The following CNTN5 variants were observed in gnomAD, a reference collection of about 807,000 sequenced individuals.
CNTN5 encodes the protein contactin 5.
Under a neutral mutation model 129.1 loss-of-function variants are expected in CNTN5, and 77 were observed. That is an observed-to-expected ratio of 0.60 (90% CI 0.50 to 0.72). The LOEUF (loss-of-function observed/expected upper bound fraction) is 0.72, where lower values mean the gene tolerates loss of function less well. Ranked by LOEUF, CNTN5 falls within the 30% of genes least tolerant of loss-of-function variation. The pLI, the probability that CNTN5 is intolerant of heterozygous loss-of-function variation, is 0.00. For synonymous variants in CNTN5, 509 were observed against 465.6 expected (o/e 1.09, Z -1.20); for missense variants, 1,478 against 1,328.8 (o/e 1.11, Z -1.75).
chr11:99,667,293 G>A (rs1952831537), intron 3 of CNTN5, among the ~76,000 whole-genome samples: 2 of 87,052 alleles, frequency 2.3e-5, no homozygotes, highest in Admixed American at 1.6e-4. Flanking sequence ...TCATTCTAAA[G>A]CAATTAATAA....
At chr11:99,124,565 A>G (rs1858523000) in intron 1 of CNTN5, among the ~76,000 whole-genome samples, 2 of 152,034 alleles carry the variant, frequency 1.3e-5, no homozygotes, top group Non-Finnish European at 2.9e-5. Context: ...TAATAGAGAA[A>G]TAAGGGCAAA....
intron 2 of CNTN5, among the ~76,000 whole-genome samples, chr11:99,469,321 T>C (rs1382780031): frequency 6.6e-6 from 1 of 152,184 alleles, no homozygotes; most frequent in African/African-American, 2.4e-5. Flanking sequence ...CCATTCATGG[T>C]ATAAACTATT....
chr11:99,529,571 A>C (rs554076863), intron 2 of CNTN5, among the ~76,000 whole-genome samples: 1 of 152,214 alleles, frequency 6.6e-6, no homozygotes, highest in Non-Finnish European at 1.5e-5. Context: ...GGGTTAAGGC[A>C]TTTGGGATTG....
At chr11:99,904,020 G>T (rs1949427881) in intron 6 of CNTN5, among the ~76,000 whole-genome samples, 1 of 152,140 alleles carries the variant, frequency 6.6e-6, no homozygotes, top group Non-Finnish European at 1.5e-5. Context: ...ACAGATGCTG[G>T]TGAGGATGTA....
chr11:99,967,877 A>G (rs1951136988), intron 8 of CNTN5, among the ~76,000 whole-genome samples: 1 of 151,846 alleles, frequency 6.6e-6, no homozygotes, highest in Non-Finnish European at 1.5e-5. Flanking sequence ...ATTACTTTCT[A>G]AAAACTTATT....
intron 2 of CNTN5, among the ~76,000 whole-genome samples, chr11:99,398,647 T>C (rs974571502): frequency 1.3e-5 from 2 of 151,962 alleles, no homozygotes; most frequent in East Asian, 3.8e-4. Context: ...ATATAATACA[T>C]CTTAGAGATT....
chr11:99,624,156 T>C (rs1951050201), intron 3 of CNTN5, among the ~76,000 whole-genome samples: 1 of 152,068 alleles, frequency 6.6e-6, no homozygotes, highest in African/African-American at 2.4e-5. Flanking sequence ...TTGTACTGTG[T>C]CCTTAGGAAT....
intron 3 of CNTN5, among the ~76,000 whole-genome samples, chr11:99,586,088 T>A (rs1025752638): frequency 1.3e-5 from 2 of 152,264 alleles, no homozygotes; most frequent in African/African-American, 4.8e-5. Context: ...TTTAATTAAA[T>A]CCCGTTCCAA....
chr11:99,456,490 G>A (rs942696281), intron 2 of CNTN5, among the ~76,000 whole-genome samples: 1 of 152,102 alleles, frequency 6.6e-6, no homozygotes, highest in Non-Finnish European at 1.5e-5. Context: ...CTTATGTGCA[G>A]TGTTATCTAA....
intron 8 of CNTN5, among the ~76,000 whole-genome samples, chr11:99,979,979 T>C (rs898733180): frequency 2.0e-5 from 3 of 152,192 alleles, no homozygotes; most frequent in Admixed American, 2.0e-4. Flanking sequence ...AGAGTTGTTA[T>C]AGCTAAAGGA....
At position 99,841,826 on chromosome 11, in the gene CNTN5, A is replaced by G. The variant is rs538759721; in HGVS notation, c.278-3026A>G. 1.1e-4 allele frequency among the ~76,000 whole-genome samples: 16 copies of G among 141,566 alleles called. No individual in the cohort carries two copies. The East Asian group carries it at 1.8e-3, about 16-fold the overall frequency. 92.9% of individuals were successfully genotyped at this position (141,566 alleles called of 152,430 possible). ...GTGGTGTGTGTGTATATATGTGTGT[A>G]TATATATATACACACACACACACAC... is the stretch of plus-strand genomic sequence containing the variant. On this transcript the variant is annotated intron_variant, in intron 4 of 24. Coordinates refer to ENST00000524871, the MANE Select transcript of CNTN5 (RefSeq NM_014361.4).
chr11:99,654,355 T>A (rs1952270441), intron 3 of CNTN5, among the ~76,000 whole-genome samples: 1 of 152,076 alleles, frequency 6.6e-6, no homozygotes, highest in African/African-American at 2.4e-5. Flanking sequence ...AAGGGGTGTA[T>A]CAGCTTCTTA....
chr11:99,912,472 C>T (rs1324414306), intron 6 of CNTN5, among the ~76,000 whole-genome samples: 2 of 151,946 alleles, frequency 1.3e-5, no homozygotes, highest in East Asian at 3.9e-4. Context: ...TTCTGCATAA[C>T]CAGTACCTAA....
chr11:99,094,654 T>C (rs1866394833), intron 1 of CNTN5, among the ~76,000 whole-genome samples: 1 of 151,968 alleles, frequency 6.6e-6, no homozygotes, highest in Non-Finnish European at 1.5e-5. Flanking sequence ...GACAGTGTTA[T>C]TAATGGCCAC....
At chr11:99,765,027 T>A (rs907575693) in intron 3 of CNTN5, among the ~76,000 whole-genome samples, 25 of 152,240 alleles carry the variant, frequency 1.6e-4, no homozygotes, top group Non-Finnish European at 3.2e-4. Context: ...TCATCCTTTT[T>A]ACTTAAGTTT....
intron 1 of CNTN5, among the ~76,000 whole-genome samples, chr11:99,181,357 T>C (rs1435063456): frequency 2.6e-5 from 4 of 152,204 alleles, no homozygotes; most frequent in Non-Finnish European, 5.9e-5. Context: ...TGTGTCTCAT[T>C]TGGGTTTGGG....
At chr11:99,636,962 A>G (rs1273082416) in intron 3 of CNTN5, among the ~76,000 whole-genome samples, 669 of 42,044 alleles carry the variant, frequency 0.016, 2 homozygotes, top group Admixed American at 0.03. Context: ...GCAGTGAGCG[A>G]AGATCATGCC....
At chr11:99,778,024 A>G (rs1945184443) in intron 3 of CNTN5, among the ~76,000 whole-genome samples, 1 of 151,880 alleles carries the variant, frequency 6.6e-6, no homozygotes, top group Non-Finnish European at 1.5e-5. Context: ...TGAATATTTT[A>G]GGTTATATAA....
intron 1 of CNTN5, among the ~76,000 whole-genome samples, chr11:99,241,808 A>C (rs1861574048): frequency 6.6e-6 from 1 of 152,130 alleles, no homozygotes; most frequent in African/African-American, 2.4e-5. Flanking sequence ...AAATAAATAG[A>C]TTTAAACTTT....
Sources: allele counts gnomAD v4.1 joint callset (sites outside exome capture counted in the v4.1 genomes callset), GRCh38; gene constraint gnomAD v4.1.1; transcripts MANE v1.5; gene names NCBI Gene and HGNC (gene_info 2026-07-23, HGNC 2026-07-21).